KHDRBS2: variants seen among roughly 807,000 people sequenced by gnomAD.
The protein encoded by KHDRBS2 is KH RNA binding domain containing, signal transduction associated 2, also known as KH domain-containing, RNA-binding, signal transduction-associated protein 2.
KHDRBS2 carries 26 observed loss-of-function variants against 44.3 expected under a neutral mutation model. That is an observed-to-expected ratio of 0.59 (90% confidence interval 0.43 to 0.81). The LOEUF (loss-of-function observed/expected upper bound fraction) is 0.81, where lower values mean the gene tolerates loss of function less well. KHDRBS2 is among the 40% of genes least tolerant of loss of function. The pLI, the probability that KHDRBS2 is intolerant of heterozygous loss-of-function variation, is 0.00. For synonymous variants in KHDRBS2, 194 were observed against 151.1 expected (o/e 1.28, Z -2.08); for missense variants, 476 against 433.1 (o/e 1.10, Z -0.88).
At chr6:61,573,099 C>A in the KHDRBS2 span, among the ~76,000 whole-genome samples, 1 of 152,092 alleles carries the variant, frequency 6.6e-6, no homozygotes, top group African/African-American at 2.4e-5. Flanking sequence ...GCTCCTAGAT[C>A]TGATAAATAA....
chr6:61,718,192 C>CA (rs35439126), intron 7 of KHDRBS2, among the ~76,000 whole-genome samples: 2 of 151,926 alleles, frequency 1.3e-5, no homozygotes, highest in East Asian at 3.9e-4. Context: ...AGTGTTTGAG[C>CA]AAAAAAAGCA....
At chr6:61,619,504 G>A in the KHDRBS2 span, among the ~76,000 whole-genome samples, 1 of 152,088 alleles carries the variant, frequency 6.6e-6, no homozygotes, top group Non-Finnish European at 1.5e-5. Context: ...GCCCAGGCTG[G>A]AGTGCAATGG....
chr6:62,161,449 T>C (rs1185837885), intron 2 of KHDRBS2, among the ~76,000 whole-genome samples: 12 of 151,268 alleles, frequency 7.9e-5, no homozygotes, highest in African/African-American at 2.9e-4. Flanking sequence ...ATTATATACA[T>C]GGGATAAGTT....
At chr6:61,871,302 T>C (rs1286121032) in intron 6 of KHDRBS2, among the ~76,000 whole-genome samples, 1 of 151,942 alleles carries the variant, frequency 6.6e-6, no homozygotes, top group Non-Finnish European at 1.5e-5. Flanking sequence ...AAGACAAGAT[T>C]AGAGAAAAAA....
At chr6:61,854,642 A>G (rs572144908) in intron 6 of KHDRBS2, among the ~76,000 whole-genome samples, 1 of 152,296 alleles carries the variant, frequency 6.6e-6, no homozygotes, top group Admixed American at 6.5e-5. Context: ...CTTGATCTTT[A>G]TCATTTTAAG....
chr6:61,850,154 G>T (rs1408842527), intron 6 of KHDRBS2, among the ~76,000 whole-genome samples: 3 of 151,734 alleles, frequency 2.0e-5, no homozygotes, highest in South Asian at 4.2e-4. Flanking sequence ...GTAGAATGGA[G>T]ATTTCAAATC....
intron 7 of KHDRBS2, 78 bp from the exon 8 acceptor site, chr6:61,697,331 C>CA: frequency 1.2e-6 from 1 of 864,828 alleles, no homozygotes; most frequent in South Asian, 1.3e-5. Context: ...AATTTGAAGG[C>CA]AAAATGTGTG....
intron 2 of KHDRBS2, among the ~76,000 whole-genome samples, chr6:62,058,375 T>C (rs1339639407): frequency 6.6e-6 from 1 of 151,940 alleles, no homozygotes; most frequent in East Asian, 1.9e-4. Flanking sequence ...AATATTGGAA[T>C]GTTACTTTCA....
downstream of KHDRBS2, among the ~76,000 whole-genome samples, chr6:61,679,794 T>C (rs1042657467): frequency 1.3e-5 from 2 of 151,896 alleles, no homozygotes; most frequent in African/African-American, 4.8e-5. Flanking sequence ...ACATGTTGGA[T>C]GGGATATTTA....
chr6:61,694,851 C>G (rs910347706), intron 8 of KHDRBS2, among the ~76,000 whole-genome samples: 19 of 152,126 alleles, frequency 1.2e-4, no homozygotes, highest in African/African-American at 3.6e-4. Context: ...TTGTTCATCA[C>G]TTGTATTTCT....
chr6:62,211,134 C>T (rs533885298), intron 1 of KHDRBS2, among the ~76,000 whole-genome samples: 1 of 151,988 alleles, frequency 6.6e-6, no homozygotes, highest in Admixed American at 6.6e-5. Context: ...ATTTAAATTC[C>T]TGTAATTATA....
chr6:62,031,369 T>G (rs1784309575), intron 3 of KHDRBS2, among the ~76,000 whole-genome samples: 1 of 151,974 alleles, frequency 6.6e-6, no homozygotes, highest in Admixed American at 6.6e-5. Context: ...TTAAAAAAAG[T>G]GCAGTGAAAA....
At chr6:62,130,590 T>C (rs1238711258) in intron 2 of KHDRBS2, among the ~76,000 whole-genome samples, 1 of 151,982 alleles carries the variant, frequency 6.6e-6, no homozygotes, top group Non-Finnish European at 1.5e-5. Flanking sequence ...ATATTGATGA[T>C]TTATATGTTA....
intron 6 of KHDRBS2, among the ~76,000 whole-genome samples, chr6:61,778,274 G>A (rs1220513811): frequency 2.0e-5 from 3 of 152,092 alleles, no homozygotes; most frequent in Non-Finnish European, 4.4e-5. Flanking sequence ...TAAGACATTT[G>A]GGTCAAGGTG....
chr6:61,626,429 AAGT>A, the KHDRBS2 span, among the ~76,000 whole-genome samples: 1 of 152,324 alleles, frequency 6.6e-6, no homozygotes, highest in Non-Finnish European at 1.5e-5. Flanking sequence ...AATTACAGCT[AAGT>A]TTCCACTGGT....
chr6:62,092,041 T>C (rs1204169482), intron 2 of KHDRBS2, among the ~76,000 whole-genome samples: 1 of 152,190 alleles, frequency 6.6e-6, no homozygotes, highest in Non-Finnish European at 1.5e-5. Flanking sequence ...TACCCTTACT[T>C]GGTAAGTAGG....
intron 6 of KHDRBS2, among the ~76,000 whole-genome samples, chr6:61,854,062 T>C (rs1176215224): frequency 6.6e-6 from 1 of 152,146 alleles, no homozygotes; most frequent in Non-Finnish European, 1.5e-5. Flanking sequence ...TATCTGTTTG[T>C]ATGAAAAATA....
rs548376670 is a variant in KHDRBS2, at chr6:62,015,854, C to T, written c.336+32024G>A. Among the ~76,000 whole-genome samples, 4 of 152,200 alleles carry T rather than the reference C, an allele frequency of 2.6e-5. No individual in the cohort carries two copies. The South Asian group carries it at 8.3e-4, about 32-fold the overall frequency. ...TCTTAGGAAAGTACAATTAGCATTC[C>T]CTCTTGAATCACAAAGGTTAAATTG... On this transcript the variant is annotated intron_variant, in intron 3 of 8. Coordinates refer to ENST00000281156, the MANE Select transcript of KHDRBS2 (RefSeq NM_152688.4).
At chr6:61,908,678 C>T (rs920122932) in intron 4 of KHDRBS2, among the ~76,000 whole-genome samples, 1 of 149,920 alleles carries the variant, frequency 6.7e-6, no homozygotes, top group African/African-American at 2.5e-5. Context: ...GAAAAATTGA[C>T]ATATGTATTC....
Sources: allele counts gnomAD v4.1 joint callset (sites outside exome capture counted in the v4.1 genomes callset), GRCh38; gene constraint gnomAD v4.1.1; transcripts MANE v1.5; gene names NCBI Gene and HGNC (gene_info 2026-07-23, HGNC 2026-07-21).